ZNF48: variants seen among roughly 807,000 people sequenced by gnomAD.
ZNF48 encodes the protein zinc finger protein 48.
Under a neutral mutation model 40.0 loss-of-function variants are expected in ZNF48, and 20 were observed. The observed-to-expected ratio is 0.50, with a 90% CI of 0.35 to 0.73. The LOEUF is 0.73. Ranked by LOEUF, ZNF48 falls within the 30% of genes least tolerant of loss-of-function variation. The probability of loss-of-function intolerance (pLI) is 0.01; values close to 1 mark genes in which losing one functional copy is unlikely to be tolerated. For missense variants in ZNF48, 726 were observed against 851.9 expected, an observed-to-expected ratio of 0.85 and a Z score of 1.84; for synonymous variants, 298 against 329.7, an observed-to-expected ratio of 0.90 and a Z score of 1.04.
intron 1 of ZNF48, among the ~76,000 whole-genome samples, chr16:30,385,833 A>G (rs1255124756): frequency 6.8e-6 from 1 of 147,392 alleles, no homozygotes; most frequent in African/African-American, 2.5e-5. Flanking sequence ...TGTTTAAAGG[A>G]AAAAAAAAAA....
chr16:30,391,805 T>C (rs886086001), upstream of ZNF48, among the ~76,000 whole-genome samples: 7 of 150,534 alleles, frequency 4.7e-5, no homozygotes, highest in African/African-American at 1.7e-4. Context: ...CCTAAGGTTT[T>C]CTTTCTCTTT....
intron 1 of ZNF48, among the ~76,000 whole-genome samples, chr16:30,389,483 G>A (rs2049926172): frequency 6.6e-6 from 1 of 150,574 alleles, no homozygotes; most frequent in Non-Finnish European, 1.5e-5. Context: ...TGAGGCAGAA[G>A]AATTGCTTGA....
rs1459005057 is a variant in ZNF48 at position 30,399,109 on chromosome 16, G to A, written c.*2G>A. ...GAGGCAGCAACAGGACTGGAATGAC[G>A]CGGTCCAGGGAGGGCGGAGGCCCAG... On this transcript the variant is annotated 3_prime_UTR_variant, in exon 3 of 3. Transcript: ENST00000613509. 41 of 1,573,536 alleles carry A rather than the reference G, an allele frequency of 2.6e-5. No homozygotes were observed. The East Asian group carries it at 7.6e-4, about 29-fold the overall frequency.
intron 1 of ZNF48, among the ~76,000 whole-genome samples, chr16:30,383,507 G>A (rs2049875748): frequency 1.3e-5 from 2 of 152,116 alleles, no homozygotes; most frequent in Non-Finnish European, 2.9e-5. Flanking sequence ...TTCAAAAAAA[G>A]AAAAAGAAAA....
At position 30,397,640 on chromosome 16, in the gene ZNF48, C is replaced by T. The variant is rs61978578; in HGVS notation, c.390C>T (p.His130=). The T allele has an allele frequency of 0.056, 90,953 of 1,614,082 alleles. 7,765 individuals are homozygous for T. The highest frequency in any genetic ancestry group is 0.36 in the South Asian group (32,935 of 91,074). The change falls in exon 3 of 3, where the codon CAC becomes CAT. Residue 130 remains histidine (H), a synonymous_variant. Coordinates refer to ENST00000613509, the MANE Select transcript of ZNF48 (RefSeq NM_001214909.2). This position sits in a 1 kb window ranked among gnomAD's most constrained non-coding sequence, Gnocchi z 4.1. ...SFRQMSDLVK[H]QRTHTGEKPY... is the part of the protein sequence containing the mutation. ...GGCAGATGTCAGATCTGGTGAAACA[C>T]CAGCGGACCCACACAGGGGAGAAAC...
chr16:30,395,857 G>A lies in ZNF48; in HGVS notation c.63G>A (p.Gln21=), dbSNP rs955229489. 77 of 1,544,360 alleles carry A rather than the reference G, an allele frequency of 5.0e-5. No individual in the cohort carries two copies. Among genetic ancestry groups the A allele is most frequent in the Non-Finnish European group, 6.7e-5 (77 of 1,149,858 alleles). The change falls in exon 2 of 3, where the codon CAG becomes CAA. Residue 21 remains glutamine, a synonymous_variant. Transcript: ENST00000613509. This position sits in a 1 kb window ranked among gnomAD's most constrained non-coding sequence, Gnocchi z 5.9. The stretch of plus-strand genomic sequence containing the variant: ...ACCGCCCGGAGGAGAGGGAGCCACA[G>A]AGAGGCGCCCGCACAGGTGAGGGCC... ...DLHRPEEREP[Q]RGARTGLGSE...
rs1223650930 is a variant in ZNF48, at chr16:30,395,684, C to T, written c.-15-96C>T. ...CGCCCGTACCTGGGACCCGACGCCGCCCGGTGCCCGCGCTGGCCGGCAGAG... is the reference window on the plus strand; with the variant it reads ...CGCCCGTACCTGGGACCCGACGCCGTCCGGTGCCCGCGCTGGCCGGCAGAG... On this transcript the variant is annotated intron_variant, in intron 1 of 2. Coordinates refer to ENST00000613509, the MANE Select transcript of ZNF48 (RefSeq NM_001214909.2). The surrounding 1 kb of genome is among the most constrained non-coding windows in gnomAD (Gnocchi z 5.9). 72 of 1,092,312 alleles carry T rather than the reference C, an allele frequency of 6.6e-5. No homozygotes were observed. Among genetic ancestry groups the T allele is most frequent in the Non-Finnish European group, 8.1e-5 (70 of 867,596 alleles). 67.7% of individuals were successfully genotyped at this position (1,092,312 alleles called of 1,614,324 possible). A position where few individuals can be genotyped will look rare whatever the true frequency, so the allele number is the denominator to read the frequency against.
At chr16:30,379,637 CCTCT>C in intron 1 of ZNF48, 1 of 353,950 alleles carries the variant, frequency 2.8e-6, no homozygotes, top group Non-Finnish European at 4.8e-6. Context: ...CCTGCCCCTT[CCTCT>C]TTTTTTTTTT....
chr16:30,395,419 TC>T lies in ZNF48; in HGVS notation c.-171del, dbSNP rs2049972602. ...TGCGGCCCCGCGCTTCCGCTTCCCG[TC>T]CCCGCCCCCGGTGGCCGCCCCCGGG... is the stretch of plus-strand genomic sequence containing the variant. On this transcript the variant is annotated 5_prime_UTR_variant, in exon 1 of 3. Transcript: ENST00000613509. This position sits in a 1 kb window ranked among gnomAD's most constrained non-coding sequence, Gnocchi z 5.9. The T allele has an allele frequency of 5.5e-6, 2 of 361,204 alleles. No individual in the cohort carries two copies. The highest frequency in any genetic ancestry group is 1.9e-5 in the South Asian group (1 of 52,260). 22.4% of individuals were successfully genotyped at this position (361,204 alleles called of 1,614,324 possible).
chr16:30,388,876 G>A (rs899147862), intron 1 of ZNF48, among the ~76,000 whole-genome samples: 7 of 150,824 alleles, frequency 4.6e-5, no homozygotes, highest in African/African-American at 1.2e-4. Context: ...CCTGGGCGAC[G>A]GAGTAAGACT....
rs1028125502 is a variant in ZNF48 at position 30,385,426 on chromosome 16, A to T, written c.-16+7016A>T. The stretch of plus-strand genomic sequence containing the variant: ...CAGATCAGAAGGTCAGGAGATCGAG[A>T]CCATCCTGGCCAACATGGTGAAACC... On this transcript the variant is annotated intron_variant, in intron 1 of 2. Coordinates refer to the ZNF48 transcript ENST00000528032. 3.3e-5 allele frequency among the ~76,000 whole-genome samples: 5 copies of T among 151,932 alleles called. No homozygotes were observed. The East Asian group carries it at 9.7e-4, about 29-fold the overall frequency.
At chr16:30,378,752 G>A (rs774947841) in intron 1 of ZNF48, 1 of 1,559,642 alleles carries the variant, frequency 6.4e-7, no homozygotes, top group South Asian at 1.1e-5. Flanking sequence ...CTGAGGTTGT[G>A]GGTGAGGCCC....
At chr16:30,380,113 G>A in intron 1 of ZNF48, 2 of 1,162,948 alleles carry the variant, frequency 1.7e-6, no homozygotes, top group Non-Finnish European at 2.4e-6. Flanking sequence ...GTGAGACACA[G>A]AGATACTGGG....
At position 30,381,436 on chromosome 16, in the gene ZNF48, C is replaced by G. The variant is rs770840091; in HGVS notation, c.-16+3026C>G. On this transcript the variant is annotated intron_variant, in intron 1 of 2. Transcript: ENST00000528032. The surrounding 1 kb of genome is among the most constrained non-coding windows in gnomAD (Gnocchi z 4.3). Reference sequence around the variant, plus strand: ...CCACTCTCATCCCTAAGGTACTGCTCAAATTGCTCCTCGATGAATTTCACC... The same window carrying G: ...CCACTCTCATCCCTAAGGTACTGCTGAAATTGCTCCTCGATGAATTTCACC... The G allele has an allele frequency of 6.2e-7, 1 of 1,614,012 alleles. No homozygotes were observed. Among genetic ancestry groups the G allele is most frequent in the Non-Finnish European group, 8.5e-7 (1 of 1,180,008 alleles).
intron 1 of ZNF48, chr16:30,379,340 A>G: frequency 7.0e-7 from 1 of 1,425,964 alleles, no homozygotes; most frequent in Admixed American, 1.8e-5. Flanking sequence ...ATCCCCTGGG[A>G]CCAAAGCCCA....
intron 1 of ZNF48, among the ~76,000 whole-genome samples, chr16:30,387,240 G>GC (rs1368310908): frequency 6.9e-6 from 1 of 144,984 alleles, no homozygotes; most frequent in Non-Finnish European, 1.5e-5. Flanking sequence ...ACCGCGCCCG[G>GC]CCTTTTTTTT....
chr16:30,395,901 G>C lies in ZNF48; in HGVS notation c.79+28G>C. On this transcript the variant is annotated intron_variant, in intron 2 of 2. Transcript: ENST00000613509. This position sits in a 1 kb window ranked among gnomAD's most constrained non-coding sequence, Gnocchi z 5.9. ...GAGGGCCTCGGCCGTGCGCCGCCAC[G>C]GACAGGTAACGGCCGGTGGGGACTG... is the stretch of plus-strand genomic sequence containing the variant. 6.6e-7 allele frequency: 1 copy of C among 1,507,062 alleles called. No homozygotes were observed. The highest frequency in any genetic ancestry group is 8.9e-7 in the Non-Finnish European group (1 of 1,128,086). 93.4% of individuals were successfully genotyped at this position (1,507,062 alleles called of 1,614,324 possible).
Position 30,381,096 on chromosome 16 carries a change from G to A in ZNF48, c.-16+2686G>A, listed in dbSNP as rs774261357. 1.9e-6 allele frequency: 3 copies of A among 1,543,996 alleles called. No individual in the cohort carries two copies. Among genetic ancestry groups the A allele is most frequent in the Non-Finnish European group, 2.7e-6 (3 of 1,115,842 alleles). ...GCTGAAATCAGGTTTGGCTTCACAT[G>A]GGGTCAAAGGTCAGAGGTCATCACT... On this transcript the variant is annotated intron_variant, in intron 1 of 2. Transcript: ENST00000528032. The surrounding 1 kb of genome is among the most constrained non-coding windows in gnomAD (Gnocchi z 4.3).
In ZNF48 at chr16:30,381,398, C is replaced by T. The variant is rs201727283; in HGVS notation, c.-16+2988C>T. ...AGTGGACTCGGGAGTCCTGGATGTT[C>T]TTCCGGTTCAGGCCACTCTCATCCC... On this transcript the variant is annotated intron_variant, in intron 1 of 2. Transcript: ENST00000528032. This position sits in a 1 kb window ranked among gnomAD's most constrained non-coding sequence, Gnocchi z 4.3. 9 of 1,613,720 alleles carry T rather than the reference C, an allele frequency of 5.6e-6. No individual in the cohort carries two copies. In the East Asian group the frequency reaches 8.9e-5, roughly 16 times the overall value.
Sources: gnomAD v4.1 joint callset for allele counts (sites outside exome capture counted in the v4.1 genomes callset) on GRCh38, gnomAD v4.1.1 for gene constraint, Gnocchi (gnomAD v3.1) non-coding constraint, MANE v1.5 for transcripts, NCBI Gene and HGNC (gene_info 2026-07-23, HGNC 2026-07-21) for gene names.